CAST: variants seen among roughly 807,000 people sequenced by gnomAD.
CAST encodes the protein calpastatin, also known as MIR583 host.
A neutral mutation model predicts 119.6 loss-of-function variants in CAST; 76 were observed. The observed-to-expected ratio is 0.64, with a 90% CI of 0.53 to 0.77. CAST has a LOEUF of 0.77. CAST is among the 30% of genes least tolerant of loss of function. The pLI is 0.00. For synonymous variants in CAST, 319 were observed against 331.6 expected, an observed-to-expected ratio of 0.96 and a Z score of 0.41; for missense variants, 953 against 946.5, an observed-to-expected ratio of 1.01 and a Z score of -0.09.
At chr5:96,138,321 G>A in the CAST span, among the ~76,000 whole-genome samples, 2 of 151,594 alleles carry the variant, frequency 1.3e-5, no homozygotes, top group Admixed American at 6.6e-5. Flanking sequence ...GTCTATTTCT[G>A]TACTCTCTAT....
At chr5:96,511,019 G>A in the CAST span, among the ~76,000 whole-genome samples, 1 of 152,260 alleles carries the variant, frequency 6.6e-6, no homozygotes, top group East Asian at 1.9e-4. Flanking sequence ...CTCCTGGCTT[G>A]TGTGGTCCAC....
At chr5:96,684,017 C>G (rs1751755964) in intron 2 of CAST, among the ~76,000 whole-genome samples, 1 of 152,172 alleles carries the variant, frequency 6.6e-6, no homozygotes, top group Admixed American at 6.5e-5. Context: ...TGCTATTGAT[C>G]TGTGGTTTCT....
At chr5:96,209,594 G>A in the CAST span, among the ~76,000 whole-genome samples, 1 of 151,962 alleles carries the variant, frequency 6.6e-6, no homozygotes, top group Non-Finnish European at 1.5e-5. Context: ...GGCTGGATAT[G>A]AAATTTTTTA....
chr5:96,570,318 G>C (rs973578630), intron 1 of CAST, among the ~76,000 whole-genome samples: 3 of 152,184 alleles, frequency 2.0e-5, no homozygotes, highest in Non-Finnish European at 4.4e-5. Flanking sequence ...AACCATGTCA[G>C]CTGGTGAAGA....
Position 96,767,399 on chromosome 5 carries a change from G to T in CAST, c.2131-39G>T, listed in dbSNP as rs750245306. ...GCCTAAACCTAAGTAAACCTTTACA[G>T]ATATCTATGCTTAACCAATAGTCTG... On this transcript the variant is annotated intron_variant, in intron 27 of 31. Transcript: ENST00000675179. 7 of 1,557,304 alleles carry T rather than the reference G, an allele frequency of 4.5e-6. No homozygotes were observed. The South Asian group carries it at 6.7e-5, about 15-fold the overall frequency.
the CAST span, among the ~76,000 whole-genome samples, chr5:96,325,408 T>C: frequency 7.3e-3 from 1,100 of 151,570 alleles, 13 homozygotes; most frequent in African/African-American, 0.025. Flanking sequence ...TTTTCTTTCT[T>C]TCTCTCTTTC....
chr5:96,173,222 T>C, the CAST span, among the ~76,000 whole-genome samples: 1 of 152,324 alleles, frequency 6.6e-6, no homozygotes. Context: ...AACTAAGATC[T>C]ACTGCACTGG....
the CAST span, among the ~76,000 whole-genome samples, chr5:96,107,924 T>C: frequency 3.6e-4 from 55 of 152,208 alleles, no homozygotes; most frequent in African/African-American, 1.3e-3. Context: ...TGTTCATTTC[T>C]TTTTATTCTT....
the CAST span, among the ~76,000 whole-genome samples, chr5:95,998,045 T>C: frequency 7.0e-6 from 1 of 143,248 alleles, no homozygotes; most frequent in African/African-American, 2.6e-5. Context: ...GGTATGTCCA[T>C]GTAATGGAAT....
At chr5:96,617,008 G>T (rs1747471364) in intron 1 of CAST, among the ~76,000 whole-genome samples, 1 of 151,980 alleles carries the variant, frequency 6.6e-6, no homozygotes, top group Non-Finnish European at 1.5e-5. Context: ...CTTTCTTATG[G>T]CTCTGTCTTA....
the CAST span, among the ~76,000 whole-genome samples, chr5:96,474,352 C>T: frequency 6.6e-6 from 1 of 151,058 alleles, no homozygotes; most frequent in African/African-American, 2.4e-5. Context: ...AGGAACTTTC[C>T]TGCCCTAGAA....
intron 1 of CAST, among the ~76,000 whole-genome samples, chr5:96,631,788 T>C (rs1252307710): frequency 6.6e-6 from 1 of 152,244 alleles, no homozygotes; most frequent in African/African-American, 2.4e-5. Context: ...CGCCTCGGCC[T>C]CCCAAAGTGC....
the CAST span, among the ~76,000 whole-genome samples, chr5:96,352,272 T>C: frequency 6.6e-6 from 1 of 152,160 alleles, no homozygotes; most frequent in Non-Finnish European, 1.5e-5. Context: ...TGGGAAAACG[T>C]CTGGTGAGAG....
At chr5:96,153,284 C>T in the CAST span, among the ~76,000 whole-genome samples, 1 of 152,212 alleles carries the variant, frequency 6.6e-6, no homozygotes, top group Non-Finnish European at 1.5e-5. Context: ...GGCTGGTTCA[C>T]TCTGACTGTC....
chr5:96,617,512 G>A (rs375688957), intron 1 of CAST, among the ~76,000 whole-genome samples: 13 of 151,960 alleles, frequency 8.6e-5, no homozygotes, highest in East Asian at 1.9e-4. Flanking sequence ...TTAGGAGGCC[G>A]GGCACGGTGG....
Position 96,691,592 on chromosome 5 carries a change from C to G in CAST, c.139-4244C>G, listed in dbSNP as rs182585600. On this transcript the variant is annotated intron_variant, in intron 2 of 31. Coordinates refer to ENST00000675179, the MANE Select transcript of CAST (RefSeq NM_001750.7). The stretch of plus-strand genomic sequence containing the variant: ...ACCTGGGCAAGGACTTTGGGCCTCT[C>G]CCTTTAGAGCCAGGATTTTCAACCT... 2.5e-3 allele frequency among the ~76,000 whole-genome samples: 383 copies of G among 152,288 alleles called. 2 individuals carry two copies. Among genetic ancestry groups the G allele is most frequent in the African/African-American group, 8.5e-3 (353 of 41,546 alleles).
intron 1 of CAST, among the ~76,000 whole-genome samples, chr5:96,646,966 A>G (rs377458491): frequency 3.3e-5 from 5 of 152,326 alleles, no homozygotes; most frequent in African/African-American, 1.2e-4. Flanking sequence ...GCGGACTACC[A>G]AATGAAAAGT....
the CAST span, among the ~76,000 whole-genome samples, chr5:96,326,800 A>G: frequency 1.0e-4 from 15 of 144,726 alleles, no homozygotes; most frequent in African/African-American, 3.6e-4. Flanking sequence ...AATAGAGTTC[A>G]TGATCACTTG....
chr5:96,737,061 T>C (rs1761810823), intron 10 of CAST, among the ~76,000 whole-genome samples: 1 of 152,134 alleles, frequency 6.6e-6, no homozygotes, highest in African/African-American at 2.4e-5. Context: ...GAGAACTCAC[T>C]CACTATCATG....
Sources: allele counts gnomAD v4.1 joint callset (sites outside exome capture counted in the v4.1 genomes callset), GRCh38; gene constraint gnomAD v4.1.1; transcripts MANE v1.5; gene names NCBI Gene and HGNC (gene_info 2026-07-23, HGNC 2026-07-21).